The following MARCHF7 variants were observed in gnomAD, a reference collection of about 807,000 sequenced individuals.
The protein encoded by MARCHF7 is E3 ubiquitin-protein ligase MARCHF7.
MARCHF7 carries 20 observed loss-of-function variants against 76.5 expected under a neutral mutation model. The observed-to-expected ratio is 0.26, with a 90% CI of 0.18 to 0.38. The LOEUF (loss-of-function observed/expected upper bound fraction) is 0.38, where lower values mean the gene tolerates loss of function less well. MARCHF7 is among the 10% of genes least tolerant of loss of function. MARCHF7 has a pLI of 1.00. For missense variants in MARCHF7, 797 were observed against 812.9 expected, an observed-to-expected ratio of 0.98 and a Z score of 0.24; for synonymous variants, 295 against 293.0, an observed-to-expected ratio of 1.01 and a Z score of -0.07.
In MARCHF7 at chr2:159,743,062, C is replaced by A. The variant is rs756857172; in HGVS notation, c.155C>A (p.Ser52Tyr). The change falls in exon 5 of 12, where the codon TCT (serine) becomes TAT (tyrosine). Residue 52 changes from serine (S) to tyrosine (Y), a missense_variant and splice_region_variant. Transcript: ENST00000409175. ...TAAAAAATTTTTTTGAACTCACAGT[C>A]TACATCAGCATCAGCATCTGCGTCA... ...SSFRLDSEYQ[S>Y]TSASASASPF... The A allele has an allele frequency of 4.3e-6, 7 of 1,612,284 alleles. No individual in the cohort carries two copies. The highest frequency in any genetic ancestry group is 3.3e-5 in the South Asian group (3 of 90,836).
chr2:159,723,539 G>A (rs1488850519), intron 3 of MARCHF7, among the ~76,000 whole-genome samples: 1 of 152,102 alleles, frequency 6.6e-6, no homozygotes, highest in African/African-American at 2.4e-5. Flanking sequence ...GTGCCCCTCT[G>A]CTATTTAGCT....
chr2:159,753,084 G>A (rs1472073388), intron 8 of MARCHF7, among the ~76,000 whole-genome samples: 2 of 152,164 alleles, frequency 1.3e-5, no homozygotes, highest in Admixed American at 1.3e-4. Context: ...GGGTGTTAAG[G>A]AAGTGCCTTT....
chr2:159,733,307 A>C, intron 4 of MARCHF7: 3 of 596,132 alleles, frequency 5.0e-6, no homozygotes, highest in South Asian at 7.8e-5. Flanking sequence ...GCACAATCTC[A>C]GCTCACTGAA....
chr2:159,760,080 G>T (rs923124493), intron 9 of MARCHF7, among the ~76,000 whole-genome samples: 1 of 152,170 alleles, frequency 6.6e-6, no homozygotes, highest in African/African-American at 2.4e-5. Context: ...CACTCCAAAA[G>T]AAAACCCTCT....
chr2:159,749,349 T>G (rs7593273), intron 7 of MARCHF7, among the ~76,000 whole-genome samples: 50,571 of 151,384 alleles, frequency 0.33, 8,557 homozygotes, highest in South Asian at 0.44. Context: ...TTTGTTTTTT[T>G]TTGTTGTTGT....
In MARCHF7 at chr2:159,770,424, A is replaced by T. The variant is rs1708102528; in HGVS notation, c.*3082A>T. The stretch of plus-strand genomic sequence containing the variant: ...ATTAATGATAGTGCCATTAATTGTG[A>T]TGAGTGTTTTCGATTCATGTGGTCA... On this transcript the variant is annotated 3_prime_UTR_variant, in exon 12 of 12. Coordinates refer to ENST00000409175, the MANE Select transcript of MARCHF7 (RefSeq NM_001282805.2). 1 of 152,092 alleles carries T rather than the reference A, an allele frequency of 6.6e-6. No individual in the cohort carries two copies. The highest frequency in any genetic ancestry group is 2.1e-4 in the South Asian group (1 of 4,818). The allele number at this position is 152,092 out of a possible 1,614,324, so 9.4% of individuals were successfully genotyped here. A position where few individuals can be genotyped will look rare whatever the true frequency, so the allele number is the denominator to read the frequency against.
chr2:159,751,391 C>T (rs1233614906), intron 7 of MARCHF7, among the ~76,000 whole-genome samples: 2 of 152,064 alleles, frequency 1.3e-5, no homozygotes, highest in Non-Finnish European at 2.9e-5. Flanking sequence ...AAAAATGGTA[C>T]AGAAAAATTG....
chr2:159,759,764 C>CA (rs1024344518), intron 9 of MARCHF7, among the ~76,000 whole-genome samples: 41 of 152,098 alleles, frequency 2.7e-4, no homozygotes, highest in Non-Finnish European at 4.3e-4. Flanking sequence ...AAAAAACAAA[C>CA]AAAGATATGC....
Position 159,767,717 on chromosome 2 carries a change from G to GA in MARCHF7, c.*379dup. 1.3e-5 allele frequency: 2 copies of GA among 155,032 alleles called. No individual in the cohort carries two copies. Among genetic ancestry groups the GA allele is most frequent in the Non-Finnish European group, 2.9e-5 (2 of 69,868 alleles). The allele number at this position is 155,032 out of a possible 1,614,324, so 9.6% of individuals were successfully genotyped here. On this transcript the variant is annotated 3_prime_UTR_variant, in exon 12 of 12. Coordinates refer to ENST00000409175, the MANE Select transcript of MARCHF7 (RefSeq NM_001282805.2). ...GTTTGTGTTTTACTCTTGCTAGTGA[G>GA]AAAAGTGGGACAAAATATACTTTTG...
rs995428219 is a variant in MARCHF7 at position 159,748,336 on chromosome 2, G to A, written c.1046G>A (p.Arg349Gln). 5.6e-6 allele frequency: 9 copies of A among 1,613,424 alleles called. No individual in the cohort carries two copies. Among genetic ancestry groups the A allele is most frequent in the African/African-American group, 2.7e-5 (2 of 74,876 alleles). ...GCATCTGAAGCTTCTCAGGGATTTCGATTTCTTAGGCGAAGATGGGGTTTG... is the reference window on the plus strand; with the variant it reads ...GCATCTGAAGCTTCTCAGGGATTTCAATTTCTTAGGCGAAGATGGGGTTTG... ...NRASEASQGFRFLRRRWGLSS... is the reference protein window; with the variant it reads ...NRASEASQGFQFLRRRWGLSS... The change falls in exon 7 of 12, where the codon CGA (arginine) becomes CAA (glutamine). Residue 349 changes from arginine to glutamine, a missense_variant. Physicochemically the swap from Arg to Gln is conservative, Grantham distance 43. Around this residue, in one of 3 missense-constraint regions of MARCHF7, gnomAD observed 643 missense variants for 631.5 expected, o/e 1.02. Coordinates refer to ENST00000409175, the MANE Select transcript of MARCHF7 (RefSeq NM_001282805.2).
intron 1 of MARCHF7, among the ~76,000 whole-genome samples, chr2:159,713,702 A>C (rs1700612336): frequency 6.6e-6 from 1 of 152,142 alleles, no homozygotes; most frequent in Admixed American, 6.5e-5. Flanking sequence ...TCAGTATAAT[A>C]TTTTTATTTA....
chr2:159,733,722 T>C, intron 4 of MARCHF7: 1 of 985,408 alleles, frequency 1.0e-6, no homozygotes, highest in Non-Finnish European at 1.2e-6. Flanking sequence ...ACACCTTATA[T>C]AGTGCTTGAC....
chr2:159,724,283 T>C (rs1701935419), intron 3 of MARCHF7, among the ~76,000 whole-genome samples: 1 of 152,230 alleles, frequency 6.6e-6, no homozygotes, highest in Admixed American at 6.5e-5. Context: ...TTTTCCACTC[T>C]AGTAACTTAT....
chr2:159,721,755 A>G (rs1296382473), intron 3 of MARCHF7, among the ~76,000 whole-genome samples: 1 of 152,170 alleles, frequency 6.6e-6, no homozygotes, highest in African/African-American at 2.4e-5. Context: ...ATTCTAGTGG[A>G]TCTATCATGA....
chr2:159,734,167 T>C (rs1703168901), intron 4 of MARCHF7: 2 of 1,049,244 alleles, frequency 1.9e-6, no homozygotes, highest in Non-Finnish European at 2.5e-6. Context: ...TATGTAATTT[T>C]GTTTTGGTGT....
In MARCHF7 at chr2:159,770,374, A is replaced by G. The variant is rs887186160; in HGVS notation, c.*3032A>G. On this transcript the variant is annotated 3_prime_UTR_variant, in exon 12 of 12. Coordinates refer to ENST00000409175, the MANE Select transcript of MARCHF7 (RefSeq NM_001282805.2). The stretch of plus-strand genomic sequence containing the variant: ...GTAGCCGCACTGTTAATAGTTTTCT[A>G]TCACTTTTTAGTTACTCATGTCTCA... 1.1e-4 allele frequency: 15 copies of G among 140,382 alleles called. No homozygotes were observed. The highest frequency in any genetic ancestry group is 4.9e-4 in the African/African-American group (15 of 30,718). The allele number at this position is 140,382 out of a possible 1,614,324, so 8.7% of individuals were successfully genotyped here. A position where few individuals can be genotyped will look rare whatever the true frequency, so the allele number is the denominator to read the frequency against.
At chr2:159,767,198 G>A in intron 11 of MARCHF7, 86 bp from the exon 12 acceptor site, 1 of 927,912 alleles carries the variant, frequency 1.1e-6, no homozygotes, top group African/African-American at 1.7e-5. Context: ...GTTTTTACAA[G>A]TCATTGCTGT....
chr2:159,753,718 G>A (rs1287353177), intron 8 of MARCHF7, among the ~76,000 whole-genome samples: 1 of 152,174 alleles, frequency 6.6e-6, no homozygotes. Context: ...TTTTTAGGGG[G>A]ACAAGAGTAG....
chr2:159,750,897 C>A (rs1302353338), intron 7 of MARCHF7, among the ~76,000 whole-genome samples: 1 of 151,888 alleles, frequency 6.6e-6, no homozygotes, highest in East Asian at 1.9e-4. Flanking sequence ...AAAATACTTT[C>A]AAATCCAACT....
Sources: allele counts gnomAD v4.1 joint callset (sites outside exome capture counted in the v4.1 genomes callset), GRCh38; gene constraint gnomAD v4.1.1; regional missense constraint gnomAD v4.1.1; transcripts MANE v1.5; gene names NCBI Gene and HGNC (gene_info 2026-07-23, HGNC 2026-07-21).